Variants in UBA5 observed in about 807,000 individuals in gnomAD.
UBA5 encodes ubiquitin like modifier activating enzyme 5.
In UBA5, 28 loss-of-function variants were observed where a neutral mutation model predicts 52.9. The ratio of observed to expected loss-of-function variants is 0.53; its 90% CI spans 0.39 to 0.73. The LOEUF (loss-of-function observed/expected upper bound fraction) is 0.73. Ranked by LOEUF, UBA5 falls within the 30% of genes least tolerant of loss-of-function variation. UBA5 has a pLI of 0.00. For missense variants in UBA5, 388 were observed against 492.7 expected (o/e 0.79, Z 2.01); for synonymous variants, 135 against 162.1 (o/e 0.83, Z 1.27).
rs570037311 is a variant in UBA5, at chr3:132,660,446, C to T, written c.-92C>T. 6.7e-7 allele frequency: 1 copy of T among 1,492,082 alleles called. No homozygotes were observed. Among genetic ancestry groups the T allele is most frequent in the Admixed American group, 2.0e-5 (1 of 49,868 alleles). The allele number at this position is 1,492,082 out of a possible 1,614,324, so 92.4% of individuals were successfully genotyped here. ...AGGAAGGCAGCGGCGAGGTGCCTCC[C>T]CACGTACCCCTCGCGGGCCCAGCCG... On this transcript the variant is annotated 5_prime_UTR_variant, in exon 1 of 12. Transcript: ENST00000356232. The surrounding 1 kb of genome is among the most constrained non-coding windows in gnomAD (Gnocchi z 4.1).
chr3:132,661,390 A>G (rs748839386), intron 1 of UBA5, among the ~76,000 whole-genome samples: 8 of 152,240 alleles, frequency 5.3e-5, no homozygotes, highest in Non-Finnish European at 8.8e-5. Context: ...AGTAATATCT[A>G]TCTCTGTCAT....
intron 3 of UBA5, 89 bp from the exon 4 acceptor site, chr3:132,668,729 T>C: frequency 1.3e-6 from 1 of 792,318 alleles, no homozygotes; most frequent in Middle Eastern, 3.0e-4. Flanking sequence ...ACTGCTAAAC[T>C]AATTAAATGT....
rs2107955341 is a variant in UBA5, at chr3:132,678,088, A to G, written c.*1562A>G. On this transcript the variant is annotated 3_prime_UTR_variant, in exon 12 of 12. Transcript: ENST00000356232. ...AGGTTTTATAAAATTTTACAATTTG[A>G]TAAAGTATCACATCTAGAATTCACT... The G allele has an allele frequency of 6.6e-6, 1 of 152,334 alleles. No individual in the cohort carries two copies. The highest frequency in any genetic ancestry group is 1.5e-5 in the Non-Finnish European group (1 of 68,012). 9.4% of individuals were successfully genotyped at this position (152,334 alleles called of 1,614,324 possible). A position where few individuals can be genotyped will look rare whatever the true frequency, so the allele number is the denominator to read the frequency against.
intron 1 of UBA5, among the ~76,000 whole-genome samples, chr3:132,661,549 C>T (rs928045770): frequency 6.6e-6 from 1 of 152,176 alleles, no homozygotes; most frequent in African/African-American, 2.4e-5. Flanking sequence ...CATGCATTGT[C>T]TCCTCCCACC....
At chr3:132,663,366 A>C (rs1056825495) in intron 1 of UBA5, among the ~76,000 whole-genome samples, 3 of 152,184 alleles carry the variant, frequency 2.0e-5, no homozygotes, top group African/African-American at 7.2e-5. Flanking sequence ...GAAAGAGTAA[A>C]ATAGAAGATT....
intron 3 of UBA5, 52 bp downstream of exon 3, chr3:132,666,125 T>A: frequency 1.3e-6 from 2 of 1,496,338 alleles, no homozygotes; most frequent in Non-Finnish European, 1.9e-6. Context: ...ACTCCTGGAG[T>A]AAATCAGGTA....
At chr3:132,675,004 G>A (rs915413108) in intron 8 of UBA5, among the ~76,000 whole-genome samples, 1 of 152,086 alleles carries the variant, frequency 6.6e-6, no homozygotes, top group African/African-American at 2.4e-5. Context: ...AAAAAATAGT[G>A]TGTTCTACAG....
chr3:132,661,877 A>C (rs1459233678), intron 1 of UBA5, among the ~76,000 whole-genome samples: 1 of 152,240 alleles, frequency 6.6e-6, no homozygotes, highest in Non-Finnish European at 1.5e-5. Context: ...CTTAGGGTGC[A>C]CTGTTTTAAC....
chr3:132,673,098 C>T (rs1938675318), intron 8 of UBA5, among the ~76,000 whole-genome samples: 1 of 152,112 alleles, frequency 6.6e-6, no homozygotes, highest in African/African-American at 2.4e-5. Flanking sequence ...AAGTAATGGT[C>T]TAGGGCTATT....
chr3:132,660,154 C>T (rs776160212), upstream of UBA5: 5 of 354,208 alleles, frequency 1.4e-5, no homozygotes, highest in Non-Finnish European at 2.6e-5. The surrounding 1 kb of genome is among the most constrained non-coding windows in gnomAD (Gnocchi z 4.1). Context: ...GACTGTCGAG[C>T]CTAAGAATAA....
rs1050985343 is a variant in UBA5 at position 132,676,131 on chromosome 3, T to G, written c.1131+208T>G. On this transcript the variant is annotated intron_variant, in intron 11 of 11. Transcript: ENST00000356232. This position sits in a 1 kb window ranked among gnomAD's most constrained non-coding sequence, Gnocchi z 4.1. ...CATAGAATAAAATGGTTTTGTTCAC[T>G]CATTAATGAACCAAGTATAGTAGAT... Among the ~76,000 whole-genome samples the G allele has an allele frequency of 6.6e-6, 1 of 152,148 alleles. No individual in the cohort carries two copies. Among genetic ancestry groups the G allele is most frequent in the Non-Finnish European group, 1.5e-5 (1 of 67,972 alleles).
chr3:132,662,467 T>C (rs1345623617), intron 1 of UBA5, among the ~76,000 whole-genome samples: 1 of 152,194 alleles, frequency 6.6e-6, no homozygotes, highest in Non-Finnish European at 1.5e-5. Context: ...AAACATGCCA[T>C]TGCAGTACAG....
exon 1 of UBA5, chr3:132,654,566 T>A (rs1453045387): frequency 1.3e-5 from 2 of 152,202 alleles, no homozygotes; most frequent in Non-Finnish European, 2.9e-5. Context: ...TAAAAGCCAA[T>A]CATGGCTGAG....
intron 1 of UBA5, among the ~76,000 whole-genome samples, chr3:132,661,562 A>C (rs920398230): frequency 1.1e-4 from 16 of 152,186 alleles, no homozygotes; most frequent in African/African-American, 3.9e-4. Flanking sequence ...CTCCCACCAA[A>C]ACCCTATGAG....
chr3:132,660,476 ACGTGGGG>A lies in UBA5; in HGVS notation c.-59_-53del. ...TACCCCTCGCGGGCCCAGCCGAGCAACGTGGGGCGAAGGCGGCGGCGAAGGCCCGGGC... is the reference window on the plus strand; with the variant it reads ...TACCCCTCGCGGGCCCAGCCGAGCAACGAAGGCGGCGGCGAAGGCCCGGGC... On this transcript the variant is annotated 5_prime_UTR_variant, in exon 1 of 12. Transcript: ENST00000356232. The surrounding 1 kb of genome is among the most constrained non-coding windows in gnomAD (Gnocchi z 4.1). 1 of 1,537,588 alleles carries A rather than the reference ACGTGGGG, an allele frequency of 6.5e-7. No homozygotes were observed. Among genetic ancestry groups the A allele is most frequent in the Non-Finnish European group, 8.7e-7 (1 of 1,143,874 alleles).
chr3:132,658,099 G>A (rs1200492585), upstream of UBA5, among the ~76,000 whole-genome samples: 1 of 152,124 alleles, frequency 6.6e-6, no homozygotes, highest in Non-Finnish European at 1.5e-5. Flanking sequence ...CTGACCTCAA[G>A]TGATCCACGT....
At chr3:132,655,163 G>T (rs1375931722) in intron 1 of UBA5, among the ~76,000 whole-genome samples, 1 of 152,124 alleles carries the variant, frequency 6.6e-6, no homozygotes, top group Non-Finnish European at 1.5e-5. Flanking sequence ...CTTACACTAT[G>T]ACCACTTCTT....
upstream of UBA5, among the ~76,000 whole-genome samples, chr3:132,657,412 C>A (rs1309570147): frequency 6.6e-6 from 1 of 152,150 alleles, no homozygotes; most frequent in African/African-American, 2.4e-5. Context: ...TTTCTGCTAT[C>A]CTTAGCCCTT....
intron 3 of UBA5, among the ~76,000 whole-genome samples, chr3:132,666,722 G>A (rs997486232): frequency 1.3e-5 from 2 of 151,990 alleles, no homozygotes; most frequent in African/African-American, 2.4e-5. Context: ...TAATATGTTG[G>A]TCTACCCCAA....
Sources: allele counts gnomAD v4.1 joint callset (sites outside exome capture counted in the v4.1 genomes callset), GRCh38; gene constraint gnomAD v4.1.1; non-coding constraint Gnocchi (gnomAD v3.1); transcripts MANE v1.5; gene names NCBI Gene and HGNC (gene_info 2026-07-23, HGNC 2026-07-21).